The following ROBO1 variants were observed in gnomAD, a reference collection of about 807,000 sequenced individuals.
The protein encoded by ROBO1 is roundabout homolog 1.
A neutral mutation model predicts 195.9 loss-of-function variants in ROBO1; 149 were observed. The observed-to-expected ratio is 0.76, with a 90% confidence interval of 0.67 to 0.87. The LOEUF is 0.87. Among genes scored for constraint, ROBO1 ranks in the 40% least tolerant of loss-of-function variants. ROBO1 has a pLI of 0.00. For synonymous variants in ROBO1, 816 were observed against 733.2 expected, an observed-to-expected ratio of 1.11 and a Z score of -1.82; for missense variants, 1,933 against 2,068.3, an observed-to-expected ratio of 0.93 and a Z score of 1.27.
chr3:79,274,816 C>A (rs376746885), intron 2 of ROBO1, among the ~76,000 whole-genome samples: 18 of 151,790 alleles, frequency 1.2e-4, no homozygotes, highest in African/African-American at 4.1e-4. Flanking sequence ...CAACAAATAC[C>A]GCAGAAATCC....
intron 2 of ROBO1, 30 bp downstream of exon 2, chr3:79,589,793 AG>A: frequency 3.3e-6 from 5 of 1,514,912 alleles, no homozygotes; most frequent in Non-Finnish European, 4.6e-6. Context: ...ATACTGGTTA[AG>A]TATTGATGAA....
intron 2 of ROBO1, among the ~76,000 whole-genome samples, chr3:79,177,913 C>A (rs1489652586): frequency 6.6e-6 from 1 of 152,134 alleles, no homozygotes; most frequent in Non-Finnish European, 1.5e-5. Context: ...CTTCAATTTC[C>A]TTTTCAGAAT....
At chr3:79,031,258 A>C (rs1263903929) in intron 3 of ROBO1, among the ~76,000 whole-genome samples, 2 of 152,230 alleles carry the variant, frequency 1.3e-5, no homozygotes, top group Non-Finnish European at 2.9e-5. Flanking sequence ...GAATGAGTAC[A>C]GTAAATATAG....
chr3:79,605,513 C>T (rs922173627), intron 1 of ROBO1, among the ~76,000 whole-genome samples: 5 of 151,744 alleles, frequency 3.3e-5, no homozygotes, highest in African/African-American at 1.2e-4. Flanking sequence ...AAATCTTTCC[C>T]TTCATCTCTC....
chr3:79,114,140 G>T (rs562181421), intron 3 of ROBO1, among the ~76,000 whole-genome samples: 1 of 152,084 alleles, frequency 6.6e-6, no homozygotes, highest in South Asian at 2.1e-4. Flanking sequence ...CTATGATTAT[G>T]AGGCCTCCCA....
At chr3:79,048,703 T>C (rs930563421) in intron 3 of ROBO1, among the ~76,000 whole-genome samples, 3 of 152,088 alleles carry the variant, frequency 2.0e-5, no homozygotes, top group African/African-American at 7.2e-5. Flanking sequence ...TGATGATGAT[T>C]TTTACTTCAC....
At chr3:78,648,786 G>A (rs1047698800) in intron 19 of ROBO1, among the ~76,000 whole-genome samples, 2 of 151,520 alleles carry the variant, frequency 1.3e-5, no homozygotes, top group East Asian at 3.9e-4. Flanking sequence ...TACTTATCAT[G>A]TATCAAAACA....
At chr3:79,502,505 C>T (rs988629290) in intron 2 of ROBO1, among the ~76,000 whole-genome samples, 5 of 152,154 alleles carry the variant, frequency 3.3e-5, no homozygotes, top group Non-Finnish European at 1.5e-5. Context: ...GCCCCTTCCC[C>T]ACCGCCATGG....
chr3:78,640,896 C>G, intron 21 of ROBO1, among the ~76,000 whole-genome samples: 1 of 152,062 alleles, frequency 6.6e-6, no homozygotes, highest in East Asian at 1.9e-4. Flanking sequence ...ACCTGGGAAG[C>G]AAGAAATCTG....
intron 8 of ROBO1, among the ~76,000 whole-genome samples, chr3:78,713,067 C>A (rs2081804272): frequency 6.6e-6 from 1 of 152,142 alleles, no homozygotes. Context: ...TTTATGCTTT[C>A]TGTAAATGTG....
chr3:79,489,430 C>A (rs562756713), intron 2 of ROBO1, among the ~76,000 whole-genome samples: 2 of 151,778 alleles, frequency 1.3e-5, no homozygotes, highest in East Asian at 1.9e-4. Flanking sequence ...CCGAGGTGGG[C>A]GGATCACGAG....
At chr3:79,683,104 A>G (rs772916853) in intron 1 of ROBO1, among the ~76,000 whole-genome samples, 2 of 152,034 alleles carry the variant, frequency 1.3e-5, no homozygotes, top group Non-Finnish European at 2.9e-5. Context: ...AGCAAAATTT[A>G]ATATATTTGA....
chr3:79,336,203 A>C (rs1204768168), intron 2 of ROBO1, among the ~76,000 whole-genome samples: 1 of 152,174 alleles, frequency 6.6e-6, no homozygotes, highest in Non-Finnish European at 1.5e-5. Context: ...TGCATAAGTA[A>C]TGAGGAGTTG....
intron 2 of ROBO1, among the ~76,000 whole-genome samples, chr3:79,583,736 G>T (rs1943730906): frequency 6.6e-6 from 1 of 151,924 alleles, no homozygotes; most frequent in South Asian, 2.1e-4. Context: ...TACAAATGAT[G>T]TATGAGAGTA....
At chr3:79,151,785 G>T (rs1387446880) in intron 2 of ROBO1, among the ~76,000 whole-genome samples, 1 of 151,660 alleles carries the variant, frequency 6.6e-6, no homozygotes, top group Admixed American at 6.6e-5. Context: ...GCTCATCCTT[G>T]TCTCTGCAAA....
At chr3:78,736,617 T>C (rs1008386421) in intron 5 of ROBO1, among the ~76,000 whole-genome samples, 5 of 152,164 alleles carry the variant, frequency 3.3e-5, no homozygotes, top group African/African-American at 1.2e-4. Flanking sequence ...AGCTTTCAAA[T>C]GCACATGTAA....
At chr3:79,659,172 C>G (rs1946256676) in intron 1 of ROBO1, among the ~76,000 whole-genome samples, 1 of 152,026 alleles carries the variant, frequency 6.6e-6, no homozygotes, top group Non-Finnish European at 1.5e-5. Context: ...ATCCGGTTGA[C>G]TCAAAGCATG....
intron 2 of ROBO1, among the ~76,000 whole-genome samples, chr3:79,437,871 G>T (rs999314722): frequency 3.3e-5 from 5 of 151,734 alleles, no homozygotes; most frequent in Non-Finnish European, 7.4e-5. Flanking sequence ...CTTGGTGTTT[G>T]TCTACTTTCC....
At chr3:79,713,077 C>A (rs1479725764) in intron 1 of ROBO1, among the ~76,000 whole-genome samples, 2 of 151,144 alleles carry the variant, frequency 1.3e-5, no homozygotes, top group Non-Finnish European at 2.9e-5. Flanking sequence ...CCCTCCCCCA[C>A]CCCCCACTTG....
Sources: allele counts gnomAD v4.1 joint callset (sites outside exome capture counted in the v4.1 genomes callset), GRCh38; gene constraint gnomAD v4.1.1; transcripts MANE v1.5; gene names NCBI Gene and HGNC (gene_info 2026-07-23, HGNC 2026-07-21).